PCIF1: variants seen among roughly 807,000 people sequenced by gnomAD.
PCIF1 encodes phosphorylated CTD interacting factor 1, also known as mRNA (2'-O-methyladenosine-N(6)-)-methyltransferase.
A neutral mutation model predicts 86.9 loss-of-function variants in PCIF1; 12 were observed. That is an observed-to-expected ratio of 0.14 (90% CI 0.09 to 0.22). The LOEUF is 0.22. PCIF1 is among the 10% of genes least tolerant of loss of function. The pLI, the probability that PCIF1 is intolerant of heterozygous loss-of-function variation, is 1.00. For synonymous variants in PCIF1, 397 were observed against 372.0 expected (o/e 1.07, Z -0.77); for missense variants, 701 against 951.1 (o/e 0.74, Z 3.46).
At position 45,946,376 on chromosome 20, in the gene PCIF1, C is replaced by A. The variant is rs1432505482; in HGVS notation, c.1605C>A (p.Gly535=). 6.2e-7 allele frequency: 1 copy of A among 1,613,222 alleles called. No homozygotes were observed. ...SAFPDTDGYF[G]SRGPCLDFAP... is the part of the protein sequence containing the mutation. ...TCCCCGACACAGACGGCTACTTTGGCTCCCGCGGGTGAGGGCCAAGGGCTG... is the reference window on the plus strand; with the variant it reads ...TCCCCGACACAGACGGCTACTTTGGATCCCGCGGGTGAGGGCCAAGGGCTG... The change falls in exon 14 of 17, where the codon GGC becomes GGA. Residue 535 remains glycine (G), a synonymous_variant. Transcript: ENST00000372409.
intron 10 of PCIF1, among the ~76,000 whole-genome samples, chr20:45,944,581 C>A (rs1187615871): frequency 6.6e-6 from 1 of 152,246 alleles, no homozygotes; most frequent in Non-Finnish European, 1.5e-5. Context: ...ACAAAAGCTA[C>A]TGGCATTTAT....
chr20:45,944,357 C>G (rs567355653), intron 10 of PCIF1, among the ~76,000 whole-genome samples: 1 of 152,350 alleles, frequency 6.6e-6, no homozygotes, highest in East Asian at 1.9e-4. Flanking sequence ...CTCATTCTCA[C>G]TCTTCAGTTT....
rs1412637685 is a variant in PCIF1 at position 45,943,475 on chromosome 20, G to A, written c.905+52G>A. The A allele has an allele frequency of 2.4e-5, 38 of 1,553,310 alleles. No individual in the cohort carries two copies. The highest frequency in any genetic ancestry group is 2.9e-5 in the Non-Finnish European group (33 of 1,131,692). On this transcript the variant is annotated intron_variant, in intron 9 of 16. Transcript: ENST00000372409. The surrounding 1 kb of genome is among the most constrained non-coding windows in gnomAD (Gnocchi z 5.5). ...GATGGGTCTGTGATTAAAGTGGCAG[G>A]TCATAGGCCATCTTGCCCAGTCTCA... is the stretch of plus-strand genomic sequence containing the variant.
At chr20:45,941,876 C>T (rs546229221) in intron 7 of PCIF1, among the ~76,000 whole-genome samples, 18 of 152,142 alleles carry the variant, frequency 1.2e-4, no homozygotes, top group African/African-American at 3.4e-4. Context: ...TGTGAGCCAC[C>T]ATGCCTGGCC....
intron 10 of PCIF1, 121 bp from the exon 11 acceptor site, chr20:45,944,747 C>A: frequency 9.4e-7 from 1 of 1,059,850 alleles, no homozygotes; most frequent in Non-Finnish European, 1.3e-6. Context: ...CACAGCTAGT[C>A]AGCAGCAGAG....
chr20:45,940,933 C>T lies in PCIF1; in HGVS notation c.512C>T (p.Pro171Leu). ...EDKQQAALLR[P>L]TEVYWDLDIQ... ...AAACAGCAGGCAGCTCTCCTACGAC[C>T]CACTGAGTGAGTCCCTGCTGATTGG... Residue 171 changes from proline (P) to leucine (L), a missense_variant, in exon 6 of 17, where the codon CCC becomes CTC. Coordinates refer to ENST00000372409, the MANE Select transcript of PCIF1 (RefSeq NM_022104.4). The T allele has an allele frequency of 6.2e-7, 1 of 1,614,118 alleles. No individual in the cohort carries two copies. Among genetic ancestry groups the T allele is most frequent in the Non-Finnish European group, 8.5e-7 (1 of 1,180,000 alleles).
rs778434688 is a variant in PCIF1, at chr20:45,938,968, C to G, written c.-19-13C>G. The G allele has an allele frequency of 6.2e-7, 1 of 1,612,810 alleles. No individual in the cohort carries two copies. The highest frequency in any genetic ancestry group is 1.7e-5 in the Admixed American group (1 of 59,962). ...GGGGTGGAGCTGACACTCTTTGGTC[C>G]TCTGTGTGGCAGGTCCTGTGTGGGT... is the stretch of plus-strand genomic sequence containing the variant. On this transcript the variant is annotated splice_polypyrimidine_tract_variant and intron_variant, in intron 2 of 16. Transcript: ENST00000372409.
Position 45,946,194 on chromosome 20 carries a change from C to T in PCIF1, c.1429-6C>T. The T allele has an allele frequency of 6.2e-7, 1 of 1,614,198 alleles. No homozygotes were observed. The highest frequency in any genetic ancestry group is 1.1e-5 in the South Asian group (1 of 91,084). Reference sequence around the variant, plus strand: ...GCCCCAGGTGCTGACGGTGGCCACTCCGCAGATGATGTTCGGCGTGGGCCT... The same window carrying T: ...GCCCCAGGTGCTGACGGTGGCCACTTCGCAGATGATGTTCGGCGTGGGCCT... On this transcript the variant is annotated splice_polypyrimidine_tract_variant and splice_region_variant and intron_variant, in intron 13 of 16. Transcript: ENST00000372409.
In PCIF1 at chr20:45,943,627, C is replaced by CA; in HGVS notation, c.906-37dup. 1.3e-6 allele frequency: 2 copies of CA among 1,533,718 alleles called. No individual in the cohort carries two copies. Among genetic ancestry groups the CA allele is most frequent in the Non-Finnish European group, 1.8e-6 (2 of 1,130,874 alleles). On this transcript the variant is annotated intron_variant, in intron 9 of 16. Transcript: ENST00000372409. This position sits in a 1 kb window ranked among gnomAD's most constrained non-coding sequence, Gnocchi z 5.5. ...GGAATTGGGATGAGGAGGGTGGAGCCAAGCCATTCCTTTCTTCTGCCCTCC... is the reference window on the plus strand; with the variant it reads ...GGAATTGGGATGAGGAGGGTGGAGCCAAAGCCATTCCTTTCTTCTGCCCTCC...
rs907451619 is a variant in PCIF1 at position 45,947,885 on chromosome 20, C to T, written c.*130C>T. ...TTATGGTTCTGCCAGGGCTCCCCTC[C>T]CTGCCTGTCCCCAAGTCCTCACCTC... On this transcript the variant is annotated 3_prime_UTR_variant, in exon 17 of 17. Coordinates refer to ENST00000372409, the MANE Select transcript of PCIF1 (RefSeq NM_022104.4). This position sits in a 1 kb window ranked among gnomAD's most constrained non-coding sequence, Gnocchi z 5.4. 58 of 1,532,388 alleles carry T rather than the reference C, an allele frequency of 3.8e-5. No homozygotes were observed. Among genetic ancestry groups the T allele is most frequent in the Middle Eastern group, 1.7e-4 (1 of 5,964 alleles). The allele number at this position is 1,532,388 out of a possible 1,614,324, so 94.9% of individuals were successfully genotyped here.
chr20:45,937,447 C>G lies in PCIF1; in HGVS notation c.-158C>G, dbSNP rs142527107. On this transcript the variant is annotated 5_prime_UTR_variant, in exon 2 of 17. Transcript: ENST00000372409. ...TGATGCAAGGAATCCCCTGGGCTCC[C>G]GTCCACTCCACTGCTGACCAGCCCA... The G allele has an allele frequency of 1.2e-3, 468 of 399,322 alleles. 1 individual carries two copies. The highest frequency in any genetic ancestry group is 2.0e-3 in the Admixed American group (45 of 22,732). 24.7% of individuals were successfully genotyped at this position (399,322 alleles called of 1,614,324 possible). A position where few individuals can be genotyped will look rare whatever the true frequency, so the allele number is the denominator to read the frequency against.
chr20:45,947,300 T>C lies in PCIF1; in HGVS notation c.1745T>C (p.Ile582Thr). ...LESSPEPLSF[I>T]VFIPEWREPP... The stretch of plus-strand genomic sequence containing the variant: ...AGCTCACCGGAGCCCCTGTCCTTCA[T>C]CGTGTTCATCCCTGAGTGGCGGGAA... The change falls in exon 16 of 17, where the codon ATC becomes ACC. Residue 582 changes from isoleucine to threonine, a missense_variant. Physicochemically the swap from Ile to Thr is moderately conservative, Grantham distance 89 (BLOSUM62 -1). Transcript: ENST00000372409. This position sits in a 1 kb window ranked among gnomAD's most constrained non-coding sequence, Gnocchi z 5.4. 1 of 1,613,962 alleles carries C rather than the reference T, an allele frequency of 6.2e-7. No homozygotes were observed. The highest frequency in any genetic ancestry group is 8.5e-7 in the Non-Finnish European group (1 of 1,179,932).
chr20:45,939,359 G>A lies in PCIF1; in HGVS notation c.249+20G>A. Reference sequence around the variant, plus strand: ...GTGATTGTGAGTGCCAGCCTAGGGTGGGGGGGTCTCAGAGTGGCCTCTGGC... The same window carrying A: ...GTGATTGTGAGTGCCAGCCTAGGGTAGGGGGGTCTCAGAGTGGCCTCTGGC... On this transcript the variant is annotated intron_variant, in intron 4 of 16. Transcript: ENST00000372409. The A allele has an allele frequency of 6.2e-7, 1 of 1,611,728 alleles. No homozygotes were observed. Among genetic ancestry groups the A allele is most frequent in the Non-Finnish European group, 8.5e-7 (1 of 1,179,760 alleles).
Position 45,947,400 on chromosome 20 carries a change from G to A in PCIF1, c.1845G>A (p.Glu615=), listed in dbSNP as rs1432665393. 1.2e-6 allele frequency: 2 copies of A among 1,614,020 alleles called. No individual in the cohort carries two copies. Among genetic ancestry groups the A allele is most frequent in the Non-Finnish European group, 1.7e-6 (2 of 1,180,020 alleles). ...ACCAGTTGATCCTGCCTGCCTTTGAGCATGAGTACCGCAGTGGCTCCCAGC... is the reference window on the plus strand; with the variant it reads ...ACCAGTTGATCCTGCCTGCCTTTGAACATGAGTACCGCAGTGGCTCCCAGC... ...KRHQLILPAF[E]HEYRSGSQHI... The change falls in exon 16 of 17, where the codon GAG becomes GAA. Residue 615 remains glutamate (E), a synonymous_variant. Coordinates refer to ENST00000372409, the MANE Select transcript of PCIF1 (RefSeq NM_022104.4). The surrounding 1 kb of genome is among the most constrained non-coding windows in gnomAD (Gnocchi z 5.4).
intron 14 of PCIF1, 128 bp downstream of exon 14, chr20:45,946,512 A>C (rs1296806705): frequency 1.7e-6 from 2 of 1,147,850 alleles, no homozygotes; most frequent in Non-Finnish European, 2.5e-6. Flanking sequence ...CTTACCGGCT[A>C]TGTGACCTTG....
intron 12 of PCIF1, 38 bp downstream of exon 12, chr20:45,945,921 T>G (rs1381496137): frequency 6.2e-7 from 1 of 1,613,320 alleles, no homozygotes; most frequent in Non-Finnish European, 8.5e-7. Context: ...GCTGATGGCA[T>G]GAGTCAGGGC....
rs1251034348 is a variant in PCIF1 at position 45,943,660 on chromosome 20, T to C, written c.906-6T>C. 3.2e-6 allele frequency: 5 copies of C among 1,556,916 alleles called. No individual in the cohort carries two copies. The African/African-American group carries it at 4.1e-5, about 13-fold the overall frequency. Reference sequence around the variant, plus strand: ...TCCTTTCTTCTGCCCTCCCCTTGACTGGCAGGAGTGCATCCCCTGACAGTA... The same window carrying C: ...TCCTTTCTTCTGCCCTCCCCTTGACCGGCAGGAGTGCATCCCCTGACAGTA... On this transcript the variant is annotated splice_polypyrimidine_tract_variant and splice_region_variant and intron_variant, in intron 9 of 16. Coordinates refer to ENST00000372409, the MANE Select transcript of PCIF1 (RefSeq NM_022104.4). This position sits in a 1 kb window ranked among gnomAD's most constrained non-coding sequence, Gnocchi z 5.5.
intron 1 of PCIF1, 146 bp downstream of exon 1, chr20:45,934,950 G>A (rs2083403993): frequency 5.1e-6 from 2 of 395,630 alleles, no homozygotes; most frequent in Non-Finnish European, 8.9e-6. Flanking sequence ...TTAGACCCGC[G>A]GGTGGGCGGC....
Position 45,940,915 on chromosome 20 carries a change from A to G in PCIF1, c.494A>G (p.Gln165Arg). The change falls in exon 6 of 17, where the codon CAG (glutamine) becomes CGG (arginine). Residue 165 changes from glutamine (Q) to arginine (R), a missense_variant. By Grantham distance (43) the Gln-to-Arg change is conservative (BLOSUM62 1). Around this residue, in one of 7 missense-constraint regions of PCIF1, gnomAD observed 125 missense variants for 126.8 expected, o/e 0.99. Coordinates refer to ENST00000372409, the MANE Select transcript of PCIF1 (RefSeq NM_022104.4). The part of the protein sequence containing the change: ...MWGTSPEDKQ[Q>R]AALLRPTEVY... ...GGTACGTCCCCTGAAGATAAACAGCAGGCAGCTCTCCTACGACCCACTGAG... is the reference window on the plus strand; with the variant it reads ...GGTACGTCCCCTGAAGATAAACAGCGGGCAGCTCTCCTACGACCCACTGAG... 6.2e-7 allele frequency: 1 copy of G among 1,614,174 alleles called. No individual in the cohort carries two copies. Among genetic ancestry groups the G allele is most frequent in the Non-Finnish European group, 8.5e-7 (1 of 1,180,016 alleles).
Sources: allele counts gnomAD v4.1 joint callset (sites outside exome capture counted in the v4.1 genomes callset), GRCh38; gene constraint gnomAD v4.1.1; regional missense constraint gnomAD v4.1.1; non-coding constraint Gnocchi (gnomAD v3.1); transcripts MANE v1.5; gene names NCBI Gene and HGNC (gene_info 2026-07-23, HGNC 2026-07-21).